MYL3: variants seen among roughly 807,000 people sequenced by gnomAD.
MYL3 encodes the protein CMLC1.
MYL3 carries 11 observed loss-of-function variants against 21.3 expected under a neutral mutation model. That is an observed-to-expected ratio of 0.52 (90% CI 0.32 to 0.85). MYL3 has a LOEUF of 0.85. Among genes scored for constraint, MYL3 ranks in the 40% least tolerant of loss-of-function variants. MYL3 has a pLI of 0.03. For missense variants in MYL3, 206 were observed against 253.3 expected, an observed-to-expected ratio of 0.81 and a Z score of 1.27; for synonymous variants, 88 against 91.6, an observed-to-expected ratio of 0.96 and a Z score of 0.22.
intron 1 of MYL3, among the ~76,000 whole-genome samples, chr3:46,868,680 C>T (rs539400312): frequency 1.1e-4 from 16 of 152,296 alleles, no homozygotes; most frequent in Admixed American, 1.0e-3. Context: ...GGGACCCAAG[C>T]CTCATGGGGG....
In MYL3 at chr3:46,860,748, C is replaced by T. The variant is rs150634297; in HGVS notation, c.235G>A (p.Val79Ile). Residue 79 changes from valine to isoleucine, a missense_variant, in exon 3 of 7, where the codon GTC (valine) becomes ATC (isoleucine). Val to Ile is a conservative substitution (Grantham distance 29, BLOSUM62 3). Coordinates refer to ENST00000292327, the MANE Select transcript of MYL3 (RefSeq NM_000258.3). The surrounding 1 kb of genome is among the most constrained non-coding windows in gnomAD (Gnocchi z 4.6). ...MKITYGQCGDVLRALGQNPTQ... is the reference protein window; with the variant it reads ...MKITYGQCGDILRALGQNPTQ... ...GGGTTCTGGCCCAGCGCCCGCAGGA[C>T]ATCCCCACACTGCCCGTAGGTGATC... 6.4e-5 allele frequency: 104 copies of T among 1,614,160 alleles called. No homozygotes were observed. Among genetic ancestry groups the T allele is most frequent in the Non-Finnish European group, 8.8e-5 (104 of 1,180,024 alleles).
chr3:46,870,139 G>A (rs973351226), intron 1 of MYL3, among the ~76,000 whole-genome samples: 1 of 152,124 alleles, frequency 6.6e-6, no homozygotes, highest in Admixed American at 6.5e-5. Context: ...CCTTCCTGGA[G>A]CCTGCAGACA....
At position 46,860,556 on chromosome 3, in the gene MYL3, C is replaced by T; in HGVS notation, c.307+120G>A. 1 of 1,424,310 alleles carries T rather than the reference C, an allele frequency of 7.0e-7. No homozygotes were observed. Among genetic ancestry groups the T allele is most frequent in the East Asian group, 2.4e-5 (1 of 40,868 alleles). 88.2% of individuals were successfully genotyped at this position (1,424,310 alleles called of 1,614,324 possible). A position where few individuals can be genotyped will look rare whatever the true frequency, so the allele number is the denominator to read the frequency against. On this transcript the variant is annotated intron_variant, in intron 3 of 6. Transcript: ENST00000292327. This position sits in a 1 kb window ranked among gnomAD's most constrained non-coding sequence, Gnocchi z 4.6. ...GCCCTGTGACTGGCCTCGGTGCCCTCATCGGGACAATGCGAGATGTCAGGA... is the reference window on the plus strand; with the variant it reads ...GCCCTGTGACTGGCCTCGGTGCCCTTATCGGGACAATGCGAGATGTCAGGA...
intron 1 of MYL3, among the ~76,000 whole-genome samples, chr3:46,878,739 C>CA (rs1192654953): frequency 6.6e-6 from 1 of 152,126 alleles, no homozygotes; most frequent in East Asian, 1.9e-4. Flanking sequence ...GAGCCCTACT[C>CA]ACGGTGGGAT....
intron 1 of MYL3, among the ~76,000 whole-genome samples, chr3:46,880,737 A>AAGAAGG (rs1023449433): frequency 1.3e-4 from 19 of 150,442 alleles, no homozygotes; most frequent in Non-Finnish European, 4.4e-5. Flanking sequence ...GAAGAAGAAG[A>AAGAAGG]AGAAGGAGAA....
intron 1 of MYL3, among the ~76,000 whole-genome samples, chr3:46,877,193 T>C (rs548036360): frequency 1.3e-5 from 2 of 152,132 alleles, no homozygotes; most frequent in Admixed American, 1.3e-4. Flanking sequence ...TGGAGTGGAA[T>C]GACGGCCCCC....
chr3:46,878,601 C>T (rs1473384), intron 1 of MYL3, among the ~76,000 whole-genome samples: 6,584 of 152,280 alleles, frequency 0.043, 499 homozygotes, highest in African/African-American at 0.15. Context: ...CCCAGAGAAC[C>T]CCTGGTCTGG....
rs1263236705 is a variant in MYL3, at chr3:46,859,044, C to T, written c.481+431G>A. ...GAAAAAATCACTTTGAAGAGGGACC[C>T]CCTGCTGCAGGCAGCCGATGGTAGG... On this transcript the variant is annotated intron_variant, in intron 4 of 6. Transcript: ENST00000292327. The surrounding 1 kb of genome is among the most constrained non-coding windows in gnomAD (Gnocchi z 4.1). Among the ~76,000 whole-genome samples, 1 of 152,140 alleles carries T rather than the reference C, an allele frequency of 6.6e-6. No homozygotes were observed. Among genetic ancestry groups the T allele is most frequent in the Non-Finnish European group, 1.5e-5 (1 of 68,028 alleles).
upstream of MYL3, among the ~76,000 whole-genome samples, chr3:46,868,361 A>G (rs1184902615): frequency 6.6e-6 from 1 of 151,992 alleles, no homozygotes; most frequent in Admixed American, 6.6e-5. Context: ...CACTACCCCC[A>G]CACCACACAC....
upstream of MYL3, chr3:46,863,489 A>C: frequency 4.4e-5 from 59 of 1,343,064 alleles, no homozygotes; most frequent in East Asian, 1.2e-4. Flanking sequence ...CGGATACCTC[A>C]TGACCCCAGC....
At chr3:46,867,416 C>T (rs543971911), upstream of MYL3, among the ~76,000 whole-genome samples, 7 of 152,336 alleles carry the variant, frequency 4.6e-5, no homozygotes, top group South Asian at 1.4e-3. Context: ...TTGGCAACAG[C>T]GGGGGTAGCT....
At chr3:46,864,469 T>C (rs1379537850), upstream of MYL3, among the ~76,000 whole-genome samples, 1 of 151,924 alleles carries the variant, frequency 6.6e-6, no homozygotes, top group African/African-American at 2.4e-5. The surrounding 1 kb of genome is among the most constrained non-coding windows in gnomAD (Gnocchi z 4.7). Flanking sequence ...GCCCCAGGGA[T>C]GCACATTTCC....
At position 46,859,789 on chromosome 3, in the gene MYL3, A is replaced by C; in HGVS notation, c.308-141T>G. Reference sequence around the variant, plus strand: ...ACCAGTTCTCACAGCAGTCTACACCAGTTTGCCATTTAAAAGCAAACTACC... The same window carrying C: ...ACCAGTTCTCACAGCAGTCTACACCCGTTTGCCATTTAAAAGCAAACTACC... On this transcript the variant is annotated intron_variant, in intron 3 of 6. Transcript: ENST00000292327. The surrounding 1 kb of genome is among the most constrained non-coding windows in gnomAD (Gnocchi z 4.1). 9.8e-7 allele frequency: 1 copy of C among 1,024,518 alleles called. No homozygotes were observed. Among genetic ancestry groups the C allele is most frequent in the South Asian group, 1.3e-5 (1 of 76,138 alleles). 63.5% of individuals were successfully genotyped at this position (1,024,518 alleles called of 1,614,324 possible).
chr3:46,869,816 A>G (rs1170648430), intron 1 of MYL3, among the ~76,000 whole-genome samples: 1 of 152,178 alleles, frequency 6.6e-6, no homozygotes, highest in Non-Finnish European at 1.5e-5. Context: ...AAATGCAAGT[A>G]AATTTAGCAG....
chr3:46,878,980 C>A (rs192334098), intron 1 of MYL3, among the ~76,000 whole-genome samples: 98 of 152,332 alleles, frequency 6.4e-4, no homozygotes, highest in Admixed American at 3.3e-3. Context: ...TGACTCTGAG[C>A]CCCTGGGGCG....
Position 46,858,103 on chromosome 3 carries a change from T to C in MYL3, c.*14-2A>G, listed in dbSNP as rs929453165. On this transcript the variant is annotated splice_acceptor_variant, in intron 6 of 6. Transcript: ENST00000292327. LOFTEE classifies it low-confidence loss of function (3UTR_SPLICE). ...CCTGCACAGCCTTCCCTGGGCTTCC[T>C]GAGAGCAAAGGCAGTGCAGATTACA... is the stretch of plus-strand genomic sequence containing the variant. The C allele has an allele frequency of 8.8e-6, 10 of 1,134,038 alleles. No individual in the cohort carries two copies. Among genetic ancestry groups the C allele is most frequent in the African/African-American group, 1.5e-5 (1 of 65,516 alleles). 70.2% of individuals were successfully genotyped at this position (1,134,038 alleles called of 1,614,324 possible).
At chr3:46,862,518 G>T (rs1702002986) in intron 1 of MYL3, among the ~76,000 whole-genome samples, 1 of 152,172 alleles carries the variant, frequency 6.6e-6, no homozygotes, top group African/African-American at 2.4e-5. Flanking sequence ...TCCTGAGGAG[G>T]CAGCCAGGGC....
At chr3:46,878,150 A>G (rs2030342927) in intron 1 of MYL3, among the ~76,000 whole-genome samples, 1 of 152,214 alleles carries the variant, frequency 6.6e-6, no homozygotes, top group African/African-American at 2.4e-5. Flanking sequence ...GAGAGGCAAG[A>G]AAGCCAGGCA....
upstream of MYL3, among the ~76,000 whole-genome samples, chr3:46,864,770 C>T (rs1173705890): frequency 2.0e-5 from 3 of 152,234 alleles, no homozygotes; most frequent in African/African-American, 4.8e-5. This position sits in a 1 kb window ranked among gnomAD's most constrained non-coding sequence, Gnocchi z 4.7. Context: ...CTGCAGTGCC[C>T]GGCCCCCAGG....
Sources: gnomAD v4.1 joint callset for allele counts (sites outside exome capture counted in the v4.1 genomes callset) on GRCh38, gnomAD v4.1.1 for gene constraint, Gnocchi (gnomAD v3.1) non-coding constraint, MANE v1.5 for transcripts, NCBI Gene and HGNC (gene_info 2026-07-23, HGNC 2026-07-21) for gene names.